PALD1: variants seen among roughly 807,000 people sequenced by gnomAD.
PALD1 encodes the protein paladin.
In PALD1, 57 loss-of-function variants were observed where a neutral mutation model predicts 96.0. The observed-to-expected ratio is 0.59, with a 90% CI of 0.48 to 0.74. The LOEUF (loss-of-function observed/expected upper bound fraction) is 0.74, where lower values mean the gene tolerates loss of function less well. PALD1 is among the 30% of genes least tolerant of loss of function. PALD1 has a pLI of 0.00. For synonymous variants in PALD1, 464 were observed against 473.6 expected (o/e 0.98, Z 0.26); for missense variants, 1,063 against 1,143.7 (o/e 0.93, Z 1.02).
chr10:70,563,458 C>G (rs1847781526), intron 18 of PALD1, among the ~76,000 whole-genome samples: 1 of 152,244 alleles, frequency 6.6e-6, no homozygotes, highest in South Asian at 2.1e-4. Flanking sequence ...AGCACGTGGC[C>G]TGGTGCCATT....
intron 19 of PALD1, among the ~76,000 whole-genome samples, chr10:70,564,933 A>G (rs1321127970): frequency 6.6e-6 from 1 of 152,198 alleles, no homozygotes; most frequent in African/African-American, 2.4e-5. Context: ...GCCTAGGGTG[A>G]GGCTGTAGTG....
rs1847025259 is a variant in PALD1 at position 70,532,907 on chromosome 10, C to T, written c.795-88C>T. 1.9e-5 allele frequency: 29 copies of T among 1,505,624 alleles called. No individual in the cohort carries two copies. In the South Asian group the frequency reaches 3.0e-4, roughly 16 times the overall value. The allele number at this position is 1,505,624 out of a possible 1,614,324, so 93.3% of individuals were successfully genotyped here. On this transcript the variant is annotated intron_variant, in intron 6 of 19. Coordinates refer to ENST00000263563, the MANE Select transcript of PALD1 (RefSeq NM_014431.3). ...ACACCCATGTCTCCCACAGTGGGGC[C>T]CATTTCCAAACAGTGCCCGGGAATA...
chr10:70,533,898 C>A (rs761067943), intron 7 of PALD1, 24 bp from the exon 8 acceptor site: 2 of 1,556,102 alleles, frequency 1.3e-6, no homozygotes, highest in Non-Finnish European at 1.7e-6. Flanking sequence ...CTCACTGGGG[C>A]CTGATCCTCA....
chr10:70,557,855 G>A lies in PALD1; in HGVS notation c.2263-6509G>A, dbSNP rs368247576. 3.9e-5 allele frequency among the ~76,000 whole-genome samples: 6 copies of A among 152,150 alleles called. No individual in the cohort carries two copies. In the South Asian group the frequency reaches 1.2e-3, roughly 32 times the overall value. ...ACTAAGGAGTCTTCAGTAATGGCAG[G>A]GGGTGGCAGGGTGGGGAGTGTTGCT... is the stretch of plus-strand genomic sequence containing the variant. On this transcript the variant is annotated intron_variant, in intron 18 of 19. Transcript: ENST00000263563.
chr10:70,509,959 A>G (rs1846480064), intron 1 of PALD1, among the ~76,000 whole-genome samples: 1 of 152,220 alleles, frequency 6.6e-6, no homozygotes, highest in Admixed American at 6.5e-5. Flanking sequence ...TCCAGATGGA[A>G]ATAAGCGTGG....
chr10:70,533,830 G>T, intron 7 of PALD1, 92 bp from the exon 8 acceptor site: 1 of 1,215,792 alleles, frequency 8.2e-7, no homozygotes, highest in East Asian at 2.8e-5. Flanking sequence ...CTGTGGGGCA[G>T]GGTGGGCTGA....
chr10:70,499,995 TAGTC>T (rs1846264157), intron 1 of PALD1, among the ~76,000 whole-genome samples: 1 of 152,322 alleles, frequency 6.6e-6, no homozygotes, highest in African/African-American at 2.4e-5. Flanking sequence ...TTTTCTCAGT[TAGTC>T]CTCATGGCCT....
chr10:70,468,616 C>A, the PALD1 span, among the ~76,000 whole-genome samples: 3 of 151,916 alleles, frequency 2.0e-5, no homozygotes, highest in Non-Finnish European at 4.4e-5. Flanking sequence ...CTGCCTTTGC[C>A]CACAAGGAGC....
chr10:70,500,441 C>T (rs1846272094), intron 1 of PALD1, among the ~76,000 whole-genome samples: 1 of 152,176 alleles, frequency 6.6e-6, no homozygotes, highest in Admixed American at 6.5e-5. Flanking sequence ...TACCCCACCT[C>T]ATCCTATATT....
intron 18 of PALD1, among the ~76,000 whole-genome samples, chr10:70,555,433 A>G (rs1390644102): frequency 6.6e-6 from 1 of 152,204 alleles, no homozygotes; most frequent in Non-Finnish European, 1.5e-5. Context: ...GCTGGTTCCC[A>G]ACTCCTCGAC....
At chr10:70,542,183 C>G (rs1847264268) in intron 17 of PALD1, among the ~76,000 whole-genome samples, 1 of 152,240 alleles carries the variant, frequency 6.6e-6, no homozygotes, top group African/African-American at 2.4e-5. Flanking sequence ...GCACCTCACA[C>G]TTGCTAAGCT....
intron 17 of PALD1, among the ~76,000 whole-genome samples, chr10:70,545,395 C>A (rs1317755199): frequency 6.6e-6 from 1 of 151,924 alleles, no homozygotes; most frequent in Non-Finnish European, 1.5e-5. Flanking sequence ...GGTGGAGACG[C>A]TGGTCAGAAG....
intron 18 of PALD1, among the ~76,000 whole-genome samples, chr10:70,562,937 T>G (rs1589222753): frequency 6.6e-6 from 1 of 152,088 alleles, no homozygotes; most frequent in East Asian, 1.9e-4. Context: ...GTTCCCTTCC[T>G]CCTGAGCACA....
chr10:70,470,897 G>C, the PALD1 span, among the ~76,000 whole-genome samples: 2 of 152,054 alleles, frequency 1.3e-5, no homozygotes, highest in Admixed American at 6.6e-5. Context: ...CGCCTCCTGG[G>C]TTCAAGTGAT....
At chr10:70,501,795 C>T (rs1846300226) in intron 1 of PALD1, among the ~76,000 whole-genome samples, 1 of 111,362 alleles carries the variant, frequency 9.0e-6, no homozygotes, top group South Asian at 2.8e-4. Flanking sequence ...GAGATTTGTC[C>T]TTCCAGACAT....
rs1013922425 is a variant in PALD1 at position 70,568,280 on chromosome 10, C to T, written c.*1547C>T. The T allele has an allele frequency of 6.5e-6, 1 of 152,736 alleles. No homozygotes were observed. Among genetic ancestry groups the T allele is most frequent in the African/African-American group, 2.4e-5 (1 of 41,450 alleles). The allele number at this position is 152,736 out of a possible 1,614,324, so 9.5% of individuals were successfully genotyped here. ...TCTCATGGTTGGCTCTGACTTTCAGCTGTGTTGGGACCACTGGCTGATCAC... is the reference window on the plus strand; with the variant it reads ...TCTCATGGTTGGCTCTGACTTTCAGTTGTGTTGGGACCACTGGCTGATCAC... On this transcript the variant is annotated 3_prime_UTR_variant, in exon 20 of 20. Coordinates refer to ENST00000263563, the MANE Select transcript of PALD1 (RefSeq NM_014431.3).
At chr10:70,504,991 C>T (rs966352401) in intron 1 of PALD1, among the ~76,000 whole-genome samples, 2 of 152,172 alleles carry the variant, frequency 1.3e-5, no homozygotes, top group Non-Finnish European at 2.9e-5. Context: ...CGAATGGCTC[C>T]GTTACGGGAT....
chr10:70,483,675 C>G (rs1845971042), intron 1 of PALD1, among the ~76,000 whole-genome samples: 1 of 152,232 alleles, frequency 6.6e-6, no homozygotes, highest in African/African-American at 2.4e-5. Context: ...CTCTGTCTGG[C>G]CTTCCCAGAA....
At chr10:70,533,118 C>A in intron 7 of PALD1, 48 bp downstream of exon 7, 1 of 1,476,140 alleles carries the variant, frequency 6.8e-7, no homozygotes, top group Non-Finnish European at 9.3e-7. Flanking sequence ...GAGAGTCGTC[C>A]CCATGGAGGT....
Sources: allele counts gnomAD v4.1 joint callset (sites outside exome capture counted in the v4.1 genomes callset), GRCh38; gene constraint gnomAD v4.1.1; transcripts MANE v1.5; gene names NCBI Gene and HGNC (gene_info 2026-07-23, HGNC 2026-07-21).